Variants in HECTD4 observed in about 807,000 individuals in gnomAD.
HECTD4 encodes probable E3 ubiquitin-protein ligase HECTD4.
Under a neutral mutation model 471.5 loss-of-function variants are expected in HECTD4, and 114 were observed. That is an observed-to-expected ratio of 0.24 (90% CI 0.21 to 0.28). The LOEUF is 0.28. HECTD4 is among the 10% of genes least tolerant of loss of function. HECTD4 has a pLI of 1.00. For missense variants in HECTD4, 3,866 were observed against 5,651.5 expected, an observed-to-expected ratio of 0.68 and a Z score of 10.13; for synonymous variants, 2,012 against 2,256.0, an observed-to-expected ratio of 0.89 and a Z score of 3.07.
At chr12:112,303,903 AGAGG>A (rs2035218674) in intron 7 of HECTD4, among the ~76,000 whole-genome samples, 1 of 151,990 alleles carries the variant, frequency 6.6e-6, no homozygotes, top group Admixed American at 6.6e-5. Context: ...AAAAAAGAAA[AGAGG>A]GAGAATTGAG....
intron 4 of HECTD4, among the ~76,000 whole-genome samples, chr12:112,311,931 C>T (rs2035381283): frequency 6.6e-6 from 1 of 152,204 alleles, no homozygotes; most frequent in Admixed American, 6.5e-5. Context: ...GGAAATAAAT[C>T]ACATTTAAAA....
chr12:112,213,811 C>T lies in HECTD4; in HGVS notation c.7466-1161G>A, dbSNP rs1373139243. Among the ~76,000 whole-genome samples the T allele has an allele frequency of 2.6e-5, 4 of 151,008 alleles. No individual in the cohort carries two copies. The highest frequency in any genetic ancestry group is 4.4e-5 in the Non-Finnish European group (3 of 67,838). On this transcript the variant is annotated intron_variant, in intron 48 of 75. Transcript: ENST00000682272. This position sits in a 1 kb window ranked among gnomAD's most constrained non-coding sequence, Gnocchi z 4.0. ...CCAAGGTGGGAAGATTGCTTGAGCC[C>T]AGGAGTTCAAGACCAGCCTAGGCAA... is the stretch of plus-strand genomic sequence containing the variant.
At chr12:112,221,758 CTTT>C (rs1239894468) in intron 44 of HECTD4, among the ~76,000 whole-genome samples, 2 of 141,206 alleles carry the variant, frequency 1.4e-5, no homozygotes, top group African/African-American at 2.6e-5. Context: ...TTTTTCTTTT[CTTT>C]TTTTTTTTTT....
At chr12:112,346,848 T>G (rs1410592397) in intron 1 of HECTD4, among the ~76,000 whole-genome samples, 1 of 152,200 alleles carries the variant, frequency 6.6e-6, no homozygotes, top group African/African-American at 2.4e-5. Context: ...AATTTCACAT[T>G]CCTAAATCAG....
chr12:112,361,112 C>T (rs558759151), intron 1 of HECTD4, among the ~76,000 whole-genome samples: 48 of 152,142 alleles, frequency 3.2e-4, no homozygotes, highest in East Asian at 1.2e-3. Flanking sequence ...CGACAATACA[C>T]GATTTTAGAA....
chr12:112,207,854 C>T lies in HECTD4; in HGVS notation c.8131+20G>A. The T allele has an allele frequency of 1.2e-6, 2 of 1,612,376 alleles. No individual in the cohort carries two copies. Among genetic ancestry groups the T allele is most frequent in the Non-Finnish European group, 1.7e-6 (2 of 1,179,038 alleles). On this transcript the variant is annotated intron_variant, in intron 52 of 75. Coordinates refer to ENST00000682272, the MANE Select transcript of HECTD4 (RefSeq NM_001388303.1). ...TCAAGTCATGAAGTAACCTCCTTAG[C>T]AGAACAAAAAGTACCAGACCTAGTT...
intron 48 of HECTD4, 98 bp from the exon 49 acceptor site, chr12:112,212,748 T>A: frequency 2.3e-6 from 2 of 874,512 alleles, no homozygotes; most frequent in South Asian, 2.2e-5. Flanking sequence ...CACAGACTAT[T>A]TATGCTCTCA....
chr12:112,311,437 C>CATAAATAA (rs112895022), intron 4 of HECTD4, among the ~76,000 whole-genome samples: 4 of 140,770 alleles, frequency 2.8e-5, no homozygotes, highest in East Asian at 2.1e-4. Flanking sequence ...CCCGTCTCTA[C>CATAAATAA]ATAAATAAAT....
intron 48 of HECTD4, among the ~76,000 whole-genome samples, chr12:112,215,104 G>A (rs534589055): frequency 1.2e-4 from 18 of 152,258 alleles, no homozygotes; most frequent in Non-Finnish European, 2.4e-4. Context: ...AGTGAGTTGA[G>A]ATTGCACCAC....
At chr12:112,189,563 A>AAAAAAAAAAAAAG (rs2032005795) in intron 60 of HECTD4, among the ~76,000 whole-genome samples, 1 of 151,072 alleles carries the variant, frequency 6.6e-6, no homozygotes, top group African/African-American at 2.4e-5. Flanking sequence ...AAAAAAAAAA[A>AAAAAAAAAAAAAG]AAAAAAAAAA....
At chr12:112,276,338 A>G (rs1294748313) in intron 9 of HECTD4, among the ~76,000 whole-genome samples, 1 of 152,212 alleles carries the variant, frequency 6.6e-6, no homozygotes, top group Non-Finnish European at 1.5e-5. Context: ...AGGAGACTAA[A>G]CACAATTTAA....
chr12:112,346,752 G>A (rs2036158982), intron 1 of HECTD4, among the ~76,000 whole-genome samples: 1 of 152,240 alleles, frequency 6.6e-6, no homozygotes, highest in African/African-American at 2.4e-5. Context: ...CCAGAACTCA[G>A]TGGTGGGGAA....
At position 112,173,830 on chromosome 12, in the gene HECTD4, C is replaced by T. The variant is rs1003209262; in HGVS notation, c.11595-969G>A. On this transcript the variant is annotated intron_variant, in intron 66 of 75. Transcript: ENST00000682272. This position sits in a 1 kb window ranked among gnomAD's most constrained non-coding sequence, Gnocchi z 4.3. ...CTAAAACAAGTTCAGAAAACTTGTC[C>T]CTGCCACCATAATGCAAGATCCATT... Among the ~76,000 whole-genome samples the T allele has an allele frequency of 1.3e-5, 2 of 152,000 alleles. No homozygotes were observed. The highest frequency in any genetic ancestry group is 4.8e-5 in the African/African-American group (2 of 41,390).
At chr12:112,334,001 G>A (rs987752560) in intron 1 of HECTD4, among the ~76,000 whole-genome samples, 4 of 152,014 alleles carry the variant, frequency 2.6e-5, no homozygotes, top group Non-Finnish European at 5.9e-5. Flanking sequence ...CTGAGGTCAA[G>A]AGTTCAATAC....
chr12:112,252,394 T>G, intron 23 of HECTD4, 30 bp downstream of exon 23: 1 of 1,559,480 alleles, frequency 6.4e-7, no homozygotes, highest in Non-Finnish European at 8.6e-7. Context: ...ATAGTACATT[T>G]TGTCCACGGC....
intron 71 of HECTD4, 135 bp from the exon 72 acceptor site, chr12:112,167,673 G>T: frequency 9.8e-7 from 1 of 1,019,714 alleles, no homozygotes. Flanking sequence ...TGCCCATCCA[G>T]TGAGGCAAGG....
intron 1 of HECTD4, among the ~76,000 whole-genome samples, chr12:112,369,061 G>A (rs1370052664): frequency 1.3e-5 from 2 of 152,252 alleles, no homozygotes; most frequent in South Asian, 4.1e-4. Context: ...AAACCATCAC[G>A]GAGTAAGGAG....
At chr12:112,206,697 T>C (rs1032396810) in intron 52 of HECTD4, among the ~76,000 whole-genome samples, 1 of 151,984 alleles carries the variant, frequency 6.6e-6, no homozygotes, top group Non-Finnish European at 1.5e-5. Flanking sequence ...CCACCATGCC[T>C]GGCTAATTTT....
intron 1 of HECTD4, among the ~76,000 whole-genome samples, chr12:112,359,851 T>C (rs555834250): frequency 1.8e-4 from 28 of 152,262 alleles, no homozygotes; most frequent in Admixed American, 7.9e-4. Flanking sequence ...GTGCTGAGAC[T>C]ACAGGCATAA....
Sources: allele counts gnomAD v4.1 joint callset (sites outside exome capture counted in the v4.1 genomes callset), GRCh38; gene constraint gnomAD v4.1.1; non-coding constraint Gnocchi (gnomAD v3.1); transcripts MANE v1.5; gene names NCBI Gene and HGNC (gene_info 2026-07-23, HGNC 2026-07-21).